The following F9 variants were observed in gnomAD, a reference collection of about 807,000 sequenced individuals.
F9 encodes coagulation factor IX, also known as Christmas factor.
F9 carries 2 observed loss-of-function variants against 34.1 expected under a neutral mutation model. The ratio of observed to expected loss-of-function variants is 0.06; its 90% confidence interval spans 0.02 to 0.18. The LOEUF (loss-of-function observed/expected upper bound fraction) is 0.18. Ranked by LOEUF, F9 falls within the 10% of genes least tolerant of loss-of-function variation. The pLI is 1.00. For missense variants in F9, 216 were observed against 345.1 expected, an observed-to-expected ratio of 0.63 and a Z score of 2.96; for synonymous variants, 137 against 118.8, an observed-to-expected ratio of 1.15 and a Z score of -1.00.
In F9 at chrX:139,548,352, G is replaced by A; in HGVS notation, c.392-11G>A. 2.5e-6 allele frequency: 3 copies of A among 1,208,077 alleles called. No individual in the cohort carries two copies. The highest frequency in any genetic ancestry group is 3.4e-6 in the Non-Finnish European group (3 of 893,011). On this transcript the variant is annotated splice_polypyrimidine_tract_variant and intron_variant, in intron 4 of 7. Transcript: ENST00000218099. ...AAATGATGCTGTTACTGTCTATTTT[G>A]CTTCTTTTAGATGTAACATGTAACA... is the stretch of plus-strand genomic sequence containing the variant.
rs780516722 is a variant in F9, at chrX:139,561,579, A to C, written c.894A>C (p.Arg298=). 1.7e-6 allele frequency: 2 copies of C among 1,206,444 alleles called. No homozygotes were observed. Among genetic ancestry groups the C allele is most frequent in the African/African-American group, 3.5e-5 (2 of 57,277 alleles). Residue 298 remains arginine, a synonymous_variant, in exon 8 of 8, where the codon CGA becomes CGC. Coordinates refer to ENST00000218099, the MANE Select transcript of F9 (RefSeq NM_000133.4). ...EHTEQKRNVI[R]IIPHHNYNAA... is the part of the protein sequence containing the mutation. ...CAGAGCAAAAGCGAAATGTGATTCGAATTATTCCTCACCACAACTACAATG... is the reference window on the plus strand; with the variant it reads ...CAGAGCAAAAGCGAAATGTGATTCGCATTATTCCTCACCACAACTACAATG...
In F9 at chrX:139,553,852, A is replaced by AG. The variant is rs1234467812; in HGVS notation, c.723+2588_723+2589insG. ...AAAAAAAGTCCAAGATTAAAAAAAA[A>AG]AAAAAAAAAGGATGTCTGCTTTGTG... On this transcript the variant is annotated intron_variant, in intron 6 of 7. Transcript: ENST00000218099. Among the ~76,000 whole-genome samples, 49 of 107,859 alleles carry AG rather than the reference A, an allele frequency of 4.5e-4. 1 individual carries two copies. In the East Asian group the frequency reaches 0.012, roughly 27 times the overall value. 93.7% of individuals were successfully genotyped at this position (107,859 alleles called of 115,157 possible). A position where few individuals can be genotyped will look rare whatever the true frequency, so the allele number is the denominator to read the frequency against.
intron 5 of F9, among the ~76,000 whole-genome samples, chrX:139,550,745 A>C (rs770658298): frequency 8.9e-6 from 1 of 112,061 alleles, no homozygotes; most frequent in East Asian, 2.8e-4. Flanking sequence ...ACTTTTTAGT[A>C]AAGAAACTAA....
chrX:139,556,763 C>T lies in F9; in HGVS notation c.724-3978C>T, dbSNP rs781638411. ...TCAATGACTAGTTAACCATTAAAAACCAAAGTGAGCATCCCATCTGTTCCC... is the reference window on the plus strand; with the variant it reads ...TCAATGACTAGTTAACCATTAAAAATCAAAGTGAGCATCCCATCTGTTCCC... On this transcript the variant is annotated intron_variant, in intron 6 of 7. Coordinates refer to ENST00000218099, the MANE Select transcript of F9 (RefSeq NM_000133.4). Among the ~76,000 whole-genome samples, 3 of 112,198 alleles carry T rather than the reference C, an allele frequency of 2.7e-5. No individual in the cohort carries two copies. In the Admixed American group the frequency reaches 2.8e-4, roughly 11 times the overall value.
At chrX:139,536,610 C>T (rs1199587883) in intron 1 of F9, among the ~76,000 whole-genome samples, 1 of 111,425 alleles carries the variant, frequency 9.0e-6, no homozygotes, top group African/African-American at 3.3e-5. Context: ...GACATTTGTT[C>T]AAAGTCATTT....
chrX:139,552,592 T>C (rs1207456256), intron 6 of F9, among the ~76,000 whole-genome samples: 2 of 112,140 alleles, frequency 1.8e-5, no homozygotes, highest in Non-Finnish European at 3.8e-5. Context: ...TTAAGAGAAA[T>C]TAAAAATTCA....
At chrX:139,533,472 A>T (rs911192047) in intron 1 of F9, among the ~76,000 whole-genome samples, 18 of 112,618 alleles carry the variant, frequency 1.6e-4, no homozygotes, top group African/African-American at 5.8e-4. Context: ...AGCATTACAT[A>T]TACATTAGCT....
rs1051241185 is a variant in F9, at chrX:139,562,621, C to A, written c.*550C>A. The A allele has an allele frequency of 1.8e-5, 2 of 112,531 alleles. No individual in the cohort carries two copies. The highest frequency in any genetic ancestry group is 3.7e-5 in the Non-Finnish European group (2 of 54,295). The allele number at this position is 112,531 out of a possible 1,213,427, so 9.3% of individuals were successfully genotyped here. A position where few individuals can be genotyped will look rare whatever the true frequency, so the allele number is the denominator to read the frequency against. On this transcript the variant is annotated 3_prime_UTR_variant, in exon 8 of 8. Coordinates refer to ENST00000218099, the MANE Select transcript of F9 (RefSeq NM_000133.4). ...TCTTTTACCTTTTCCAAATCCCAAT[C>A]CCCAAATCAGTTTTTCTCTTTCTTA...
At chrX:139,549,493 G>A (rs779332561) in intron 5 of F9, among the ~76,000 whole-genome samples, 121 of 111,822 alleles carry the variant, frequency 1.1e-3, no homozygotes, top group African/African-American at 3.6e-3. Flanking sequence ...TGAGAGCCCC[G>A]AACAGAGATT....
intron 4 of F9, chrX:139,547,504 T>A (rs1927743539): frequency 9.0e-6 from 1 of 111,036 alleles, no homozygotes; most frequent in Non-Finnish European, 1.9e-5. Flanking sequence ...GGAATTTAAG[T>A]TCGTACAATC....
intron 4 of F9, among the ~76,000 whole-genome samples, chrX:139,542,557 A>C (rs1356226706): frequency 8.9e-6 from 1 of 112,230 alleles, no homozygotes; most frequent in Non-Finnish European, 1.9e-5. Context: ...ACTCATTATC[A>C]GCTTAAATAA....
intron 6 of F9, among the ~76,000 whole-genome samples, chrX:139,556,385 C>T (rs1417061659): frequency 2.7e-5 from 3 of 111,730 alleles, no homozygotes; most frequent in Non-Finnish European, 5.6e-5. Context: ...TCAGCTTTGG[C>T]CTGAAGCTAT....
At chrX:139,531,088 CTG>C (rs1927335472) in intron 1 of F9, among the ~76,000 whole-genome samples, 1 of 111,818 alleles carries the variant, frequency 8.9e-6, no homozygotes, top group Non-Finnish European at 1.9e-5. Context: ...TTAATAAACA[CTG>C]TTCAGTTCAT....
intron 4 of F9, among the ~76,000 whole-genome samples, chrX:139,542,985 C>G (rs1345402002): frequency 9.0e-6 from 1 of 110,887 alleles, no homozygotes; most frequent in Non-Finnish European, 1.9e-5. Context: ...AGAATTCCCA[C>G]AAATTGCTCT....
At chrX:139,559,213 T>A (rs1228354055) in intron 6 of F9, among the ~76,000 whole-genome samples, 2 of 112,427 alleles carry the variant, frequency 1.8e-5, no homozygotes, top group Non-Finnish European at 3.7e-5. Context: ...ATTATGTAGT[T>A]TTTTCTGTAT....
intron 3 of F9, among the ~76,000 whole-genome samples, chrX:139,539,433 A>G (rs1176926922): frequency 8.9e-6 from 1 of 112,240 alleles, no homozygotes; most frequent in African/African-American, 3.2e-5. Context: ...GTAGTCTTAA[A>G]CAGGAATCTC....
chrX:139,533,224 T>C (rs1278694000), intron 1 of F9, among the ~76,000 whole-genome samples: 1 of 112,118 alleles, frequency 8.9e-6, no homozygotes, highest in Admixed American at 9.4e-5. Flanking sequence ...GGACTTTGTG[T>C]TTGATGTGAT....
At chrX:139,544,350 TTTAATTAA>T (rs1213171831) in intron 4 of F9, among the ~76,000 whole-genome samples, 1 of 109,979 alleles carries the variant, frequency 9.1e-6, no homozygotes, top group African/African-American at 3.4e-5. Context: ...AGAAAGGCCT[TTTAATTAA>T]TTAATTAATT....
At chrX:139,532,529 T>G (rs1927366592) in intron 1 of F9, among the ~76,000 whole-genome samples, 1 of 111,484 alleles carries the variant, frequency 9.0e-6, no homozygotes. Context: ...AGGTACTGTG[T>G]CAGGGTACTA....
Sources: gnomAD v4.1 joint callset for allele counts (sites outside exome capture counted in the v4.1 genomes callset) on GRCh38, gnomAD v4.1.1 for gene constraint, MANE v1.5 for transcripts, NCBI Gene and HGNC (gene_info 2026-07-23, HGNC 2026-07-21) for gene names.